AFTPH: variants seen among roughly 807,000 people sequenced by gnomAD.
AFTPH encodes aftiphilin, also known as aftiphilin protein.
In AFTPH, 7 loss-of-function variants were observed where a neutral mutation model predicts 72.5. That is an observed-to-expected ratio of 0.10 (90% CI 0.05 to 0.18). AFTPH has a LOEUF of 0.18. AFTPH is among the 10% of genes least tolerant of loss of function. The probability of loss-of-function intolerance (pLI) is 1.00; values close to 1 mark genes in which losing one functional copy is unlikely to be tolerated. For missense variants in AFTPH, 979 were observed against 1,060.5 expected (o/e 0.92, Z 1.07); for synonymous variants, 337 against 370.1 (o/e 0.91, Z 1.03).
At chr2:64,562,935 C>G (rs921485344) in intron 2 of AFTPH, among the ~76,000 whole-genome samples, 1 of 152,150 alleles carries the variant, frequency 6.6e-6, no homozygotes, top group African/African-American at 2.4e-5. Flanking sequence ...AATAAAGTAT[C>G]TATTTTTTGG....
intron 7 of AFTPH, chr2:64,579,842 G>C (rs763549149): frequency 7.6e-6 from 2 of 263,710 alleles, no homozygotes; most frequent in East Asian, 1.4e-4. Flanking sequence ...ATTTTAGCTA[G>C]GACCAATTTA....
At chr2:64,584,625 C>CTTGTTCTG (rs1673396046) in intron 7 of AFTPH, among the ~76,000 whole-genome samples, 1 of 109,362 alleles carries the variant, frequency 9.1e-6, no homozygotes, top group Non-Finnish European at 1.7e-5. Context: ...GAGACGCAGT[C>CTTGTTCTG]TTGTTCTGTC....
chr2:64,587,418 C>T (rs765100201), intron 8 of AFTPH, among the ~76,000 whole-genome samples: 6 of 152,184 alleles, frequency 3.9e-5, no homozygotes, highest in African/African-American at 1.4e-4. Context: ...AATGTCCCAA[C>T]GAGTGATTCT....
chr2:64,551,733 G>T lies in AFTPH; in HGVS notation c.259G>T (p.Gly87Cys), dbSNP rs143292225. The T allele has an allele frequency of 3.5e-5, 56 of 1,613,552 alleles. No homozygotes were observed. In the African/African-American group the frequency reaches 5.7e-4, roughly 17 times the overall value. ...TACAAGCTTTAAGTCCATTAAAAAT[G>T]GTAATGATAAGGACATCACTGCTGA... is the stretch of plus-strand genomic sequence containing the variant. The change falls in exon 2 of 9, where the codon GGT becomes TGT. Residue 87 changes from glycine to cysteine, a missense_variant. By Grantham distance (159) the Gly-to-Cys change is radical. This residue lies in a region of AFTPH where 498 missense variants were observed against 467.6 expected (regional missense o/e 1.06). Coordinates refer to ENST00000238856, the Ensembl canonical transcript of AFTPH.
intron 1 of AFTPH, among the ~76,000 whole-genome samples, chr2:64,534,761 G>A (rs1337395090): frequency 6.8e-6 from 1 of 147,264 alleles, no homozygotes; most frequent in Non-Finnish European, 1.5e-5. Flanking sequence ...TTTTTTCTGA[G>A]AATTCCATAA....
chr2:64,563,822 G>C (rs1229759943), intron 2 of AFTPH, among the ~76,000 whole-genome samples: 2 of 152,060 alleles, frequency 1.3e-5, no homozygotes, highest in Non-Finnish European at 2.9e-5. Context: ...TGGTCAGGCT[G>C]GTCTCGAACT....
intron 1 of AFTPH, among the ~76,000 whole-genome samples, chr2:64,539,628 A>C (rs1670102700): frequency 6.6e-6 from 1 of 151,856 alleles, no homozygotes; most frequent in Admixed American, 6.5e-5. Flanking sequence ...AAGAGTGGTT[A>C]GTAGAATAAA....
intron 6 of AFTPH, 54 bp downstream of exon 6, chr2:64,573,122 T>C (rs1672548291): frequency 7.5e-7 from 1 of 1,336,972 alleles, no homozygotes; most frequent in Non-Finnish European, 1.1e-6. Flanking sequence ...TACACATATA[T>C]CCACACATAC....
chr2:64,571,443 C>T (rs1450979921), intron 5 of AFTPH, among the ~76,000 whole-genome samples: 1 of 152,154 alleles, frequency 6.6e-6, no homozygotes, highest in Non-Finnish European at 1.5e-5. Flanking sequence ...CCAAATGTAT[C>T]GTCTCTGCAT....
At position 64,579,466 on chromosome 2, in the gene AFTPH, T is replaced by G. The variant is rs373754836; in HGVS notation, c.2395-20T>G. 4.0e-5 allele frequency: 64 copies of G among 1,611,288 alleles called. No individual in the cohort carries two copies. The African/African-American group carries it at 8.1e-4, about 20-fold the overall frequency. ...ACAACCTGTACTGATTAATTTTGAT[T>G]TTTTGGTTTTCAACTCTAGGAGTCT... On this transcript the variant is annotated intron_variant, in intron 6 of 8. Coordinates refer to ENST00000238856, the Ensembl canonical transcript of AFTPH.
At chr2:64,587,611 TA>T (rs1673591239) in intron 8 of AFTPH, among the ~76,000 whole-genome samples, 1 of 152,216 alleles carries the variant, frequency 6.6e-6, no homozygotes, top group African/African-American at 2.4e-5. Context: ...TTTGATAGAC[TA>T]TAGGGTAAGA....
At chr2:64,540,706 A>C (rs1016833227) in intron 1 of AFTPH, among the ~76,000 whole-genome samples, 6 of 152,004 alleles carry the variant, frequency 3.9e-5, no homozygotes, top group Admixed American at 2.6e-4. Flanking sequence ...AGAAAGACAA[A>C]ATTTTTTGTT....
chr2:64,530,862 G>C (rs1213611050), intron 1 of AFTPH, among the ~76,000 whole-genome samples: 1 of 151,932 alleles, frequency 6.6e-6, no homozygotes, highest in African/African-American at 2.4e-5. Flanking sequence ...AGGAGTTTGA[G>C]ACCAGCCTGG....
At chr2:64,563,766 C>T (rs1331233538) in intron 2 of AFTPH, among the ~76,000 whole-genome samples, 3 of 152,154 alleles carry the variant, frequency 2.0e-5, no homozygotes, top group African/African-American at 4.8e-5. Flanking sequence ...CCACCACGCC[C>T]AGCTAATTTT....
chr2:64,551,608 T>G, exon 2 of AFTPH: 6 of 1,614,096 alleles, frequency 3.7e-6, no homozygotes, highest in Non-Finnish European at 5.1e-6. Flanking sequence ...GTAGGGTTTG[T>G]TGATTTCGAT....
intron 8 of AFTPH, among the ~76,000 whole-genome samples, chr2:64,589,334 CAAAAATT>C (rs1194697513): frequency 1.3e-5 from 2 of 152,024 alleles, no homozygotes; most frequent in African/African-American, 2.4e-5. Flanking sequence ...TTGTCAAAAA[CAAAAATT>C]AAAAAACAAT....
intron 1 of AFTPH, among the ~76,000 whole-genome samples, chr2:64,526,161 G>C (rs1305202062): frequency 1.3e-5 from 2 of 152,178 alleles, no homozygotes; most frequent in Non-Finnish European, 2.9e-5. Context: ...GTCCTTAATA[G>C]CCTTGATACA....
Position 64,558,524 on chromosome 2 carries a change from C to A in AFTPH, c.1935+5115C>A, listed in dbSNP as rs564150141. 8.5e-5 allele frequency among the ~76,000 whole-genome samples: 13 copies of A among 152,288 alleles called. No individual in the cohort carries two copies. The East Asian group carries it at 2.5e-3, about 29-fold the overall frequency. On this transcript the variant is annotated intron_variant, in intron 2 of 8. Coordinates refer to ENST00000238856, the Ensembl canonical transcript of AFTPH. ...AAAGAACAAGAAACATAATTACTTA[C>A]CCAGTTTTTGGTGAATCAGTGAGTG...
At chr2:64,531,061 CA>C (rs370897333) in intron 1 of AFTPH, among the ~76,000 whole-genome samples, 6,807 of 71,332 alleles carry the variant, frequency 0.095, 321 homozygotes, top group African/African-American at 0.29. Flanking sequence ...GACTTCATCT[CA>C]AAAAAAAAAA....
Sources: gnomAD v4.1 joint callset for allele counts (sites outside exome capture counted in the v4.1 genomes callset) on GRCh38, gnomAD v4.1.1 for gene constraint, gnomAD v4.1.1 regional missense constraint, MANE v1.5 for transcripts, NCBI Gene and HGNC (gene_info 2026-07-23, HGNC 2026-07-21) for gene names.